Variants in REEP1 observed in about 807,000 individuals in gnomAD.
REEP1 encodes the protein receptor accessory protein 1.
In REEP1, 22 loss-of-function variants were observed where a neutral mutation model predicts 40.3. The ratio of observed to expected loss-of-function variants is 0.55; its 90% CI spans 0.39 to 0.78. REEP1 has a LOEUF of 0.78. Among genes scored for constraint, REEP1 ranks in the 30% least tolerant of loss-of-function variants. The pLI is 0.00. For synonymous variants in REEP1, 116 were observed against 139.2 expected (o/e 0.83, Z 1.17); for missense variants, 280 against 361.1 (o/e 0.78, Z 1.82).
At chr2:86,332,622 G>A (rs898834697) in intron 1 of REEP1, among the ~76,000 whole-genome samples, 1 of 152,140 alleles carries the variant, frequency 6.6e-6, no homozygotes, top group African/African-American at 2.4e-5. Flanking sequence ...GCTTCAGAAG[G>A]AAGTGGGGAG....
At chr2:86,248,087 A>G (rs911227545) in intron 5 of REEP1, among the ~76,000 whole-genome samples, 5 of 152,328 alleles carry the variant, frequency 3.3e-5, no homozygotes, top group African/African-American at 1.2e-4. Context: ...GTATGGAAAA[A>G]AGAAGACAGA....
chr2:86,233,071 C>T (rs187338080), intron 5 of REEP1, among the ~76,000 whole-genome samples: 11 of 152,294 alleles, frequency 7.2e-5, no homozygotes. Context: ...TACGATGATA[C>T]GATGATGATC....
intron 2 of REEP1, among the ~76,000 whole-genome samples, chr2:86,266,277 A>G (rs921907435): frequency 1.2e-4 from 19 of 152,266 alleles, no homozygotes; most frequent in Non-Finnish European, 2.4e-4. Context: ...CAAGAAAAAC[A>G]TATAATTAAA....
chr2:86,249,034 G>A (rs1027373121), intron 5 of REEP1, among the ~76,000 whole-genome samples: 2 of 152,090 alleles, frequency 1.3e-5, no homozygotes, highest in South Asian at 2.1e-4. Context: ...TGAGGCGGGC[G>A]GATCACCTGA....
chr2:86,224,450 T>A (rs1397618875), intron 7 of REEP1, among the ~76,000 whole-genome samples: 2 of 152,100 alleles, frequency 1.3e-5, no homozygotes, highest in Non-Finnish European at 2.9e-5. Context: ...GGACACCTCA[T>A]GGAGGGGGAG....
chr2:86,330,802 C>CA (rs1468457253), intron 1 of REEP1, among the ~76,000 whole-genome samples: 3 of 152,122 alleles, frequency 2.0e-5, no homozygotes, highest in African/African-American at 7.2e-5. Flanking sequence ...CTGGGACTCT[C>CA]AGTGAATGCG....
intron 1 of REEP1, among the ~76,000 whole-genome samples, chr2:86,315,500 C>G (rs1364256059): frequency 2.6e-5 from 4 of 152,212 alleles, no homozygotes; most frequent in Non-Finnish European, 4.4e-5. Context: ...TGAGGCAAAA[C>G]TCCAGTTGTT....
intron 1 of REEP1, chr2:86,297,814 T>C (rs1679055950): frequency 2.9e-6 from 2 of 690,284 alleles, no homozygotes; most frequent in Non-Finnish European, 3.6e-6. Flanking sequence ...TCTCAGAGGA[T>C]GCCTAAGGTC....
chr2:86,292,782 C>T (rs972804509), intron 1 of REEP1, among the ~76,000 whole-genome samples: 3 of 152,002 alleles, frequency 2.0e-5, no homozygotes, highest in African/African-American at 7.3e-5. Context: ...GGCAGGTGGT[C>T]AGCGGGTATC....
intron 8 of REEP1, among the ~76,000 whole-genome samples, chr2:86,217,840 G>C (rs187771051): frequency 7.0e-4 from 106 of 152,050 alleles, no homozygotes; most frequent in Non-Finnish European, 1.2e-3. Context: ...TATATGAAGG[G>C]CTCCACCTCA....
chr2:86,318,400 C>CTTTTTTTTTTTTTTT (rs775382572), intron 1 of REEP1, among the ~76,000 whole-genome samples: 1 of 52,908 alleles, frequency 1.9e-5, no homozygotes. Context: ...CTTTTCTTTT[C>CTTTTTTTTTTTTTTT]TTTTTTTTTT....
intron 3 of REEP1, 108 bp from the exon 4 acceptor site, chr2:86,254,922 G>A: frequency 1.6e-6 from 2 of 1,252,372 alleles, no homozygotes; most frequent in Non-Finnish European, 2.3e-6. Flanking sequence ...CTTGCATGTG[G>A]CTGCAAGTTT....
At position 86,216,301 on chromosome 2, in the gene REEP1, G is replaced by A. The variant is rs1247552369; in HGVS notation, c.*738C>T. On this transcript the variant is annotated 3_prime_UTR_variant, in exon 9 of 9. Transcript: ENST00000538924. ...TCCTGTGACTCTTCTCTTTTACTGG[G>A]ATGTTCCCCTGACCTCTCATCACAC... is the stretch of plus-strand genomic sequence containing the variant. 7 of 152,160 alleles carry A rather than the reference G, an allele frequency of 4.6e-5. No individual in the cohort carries two copies. Among genetic ancestry groups the A allele is most frequent in the Non-Finnish European group, 1.0e-4 (7 of 68,026 alleles). 9.4% of individuals were successfully genotyped at this position (152,160 alleles called of 1,614,324 possible).
At chr2:86,237,934 C>A (rs1675447582) in intron 5 of REEP1, among the ~76,000 whole-genome samples, 1 of 152,122 alleles carries the variant, frequency 6.6e-6, no homozygotes, top group Admixed American at 6.5e-5. Flanking sequence ...GTAATCCCAG[C>A]ACTTTGGAAG....
At chr2:86,259,467 C>A (rs1676742534) in intron 3 of REEP1, among the ~76,000 whole-genome samples, 1 of 151,504 alleles carries the variant, frequency 6.6e-6, no homozygotes, top group Non-Finnish European at 1.5e-5. Context: ...CTCACTGCAA[C>A]CTCCGCCTCC....
chr2:86,273,451 T>C (rs560149803), intron 2 of REEP1, among the ~76,000 whole-genome samples: 3 of 152,100 alleles, frequency 2.0e-5, no homozygotes, highest in South Asian at 2.1e-4. Context: ...GGCTGGCCAG[T>C]TTTTTTGTAT....
At chr2:86,275,007 T>C (rs147279057) in intron 2 of REEP1, among the ~76,000 whole-genome samples, 54 of 152,314 alleles carry the variant, frequency 3.5e-4, no homozygotes, top group African/African-American at 1.3e-3. Context: ...GGAGCAGGCT[T>C]AGCTACTTCT....
At chr2:86,247,396 A>C (rs959037157) in intron 5 of REEP1, among the ~76,000 whole-genome samples, 11 of 152,164 alleles carry the variant, frequency 7.2e-5, no homozygotes, top group Admixed American at 7.2e-4. Flanking sequence ...CTAAGACAAA[A>C]CAGTAATATT....
At position 86,266,891 on chromosome 2, in the gene REEP1, C is replaced by T. The variant is rs180844348; in HGVS notation, c.106-2850G>A. Among the ~76,000 whole-genome samples the T allele has an allele frequency of 7.8e-4, 118 of 151,800 alleles. 1 individual carries two copies. The East Asian group carries it at 0.022, about 28-fold the overall frequency. The stretch of plus-strand genomic sequence containing the variant: ...GCATGGTGGTGGGCACCTGTAGTCC[C>T]AGCTACTCAGGAGGCTGAGGTAGGA... On this transcript the variant is annotated intron_variant, in intron 2 of 8. Transcript: ENST00000538924.
Sources: gnomAD v4.1 joint callset for allele counts (sites outside exome capture counted in the v4.1 genomes callset) on GRCh38, gnomAD v4.1.1 for gene constraint, MANE v1.5 for transcripts, NCBI Gene and HGNC (gene_info 2026-07-23, HGNC 2026-07-21) for gene names.